Variants in CADM2 observed in about 807,000 individuals in gnomAD.
The protein encoded by CADM2 is cell adhesion molecule 2, also known as immunoglobulin superfamily member 4D.
A neutral mutation model predicts 49.8 loss-of-function variants in CADM2; 12 were observed. That is an observed-to-expected ratio of 0.24 (90% CI 0.15 to 0.39). The LOEUF is 0.39. Ranked by LOEUF, CADM2 falls within the 10% of genes least tolerant of loss-of-function variation. The probability of loss-of-function intolerance (pLI) is 1.00; values close to 1 mark genes in which losing one functional copy is unlikely to be tolerated. For synonymous variants in CADM2, 214 were observed against 175.4 expected, an observed-to-expected ratio of 1.22 and a Z score of -1.74; for missense variants, 378 against 492.3, an observed-to-expected ratio of 0.77 and a Z score of 2.20.
At chr3:85,779,820 A>G (rs2070544532) in intron 2 of CADM2, among the ~76,000 whole-genome samples, 1 of 152,162 alleles carries the variant, frequency 6.6e-6, no homozygotes, top group African/African-American at 2.4e-5. Context: ...ATTATTATTC[A>G]ATGAAAAACT....
At chr3:85,261,074 A>T (rs75180015) in intron 1 of CADM2, among the ~76,000 whole-genome samples, 4,650 of 151,896 alleles carry the variant, frequency 0.031, 271 homozygotes, top group East Asian at 0.17. Context: ...TATTATCCCT[A>T]ATTTCCATAT....
intron 1 of CADM2, among the ~76,000 whole-genome samples, chr3:85,386,850 G>A (rs2034259189): frequency 6.6e-6 from 1 of 152,240 alleles, no homozygotes; most frequent in South Asian, 2.1e-4. Flanking sequence ...AGGACAACAT[G>A]TTTCCCCATT....
chr3:85,059,078 A>AAATAC (rs1182443173), intron 1 of CADM2, among the ~76,000 whole-genome samples: 3 of 151,852 alleles, frequency 2.0e-5, no homozygotes, highest in Non-Finnish European at 2.9e-5. Context: ...TCTCCACTAA[A>AAATAC]AATACAAAGA....
chr3:86,037,072 T>G (rs976540483), intron 8 of CADM2, among the ~76,000 whole-genome samples: 3 of 152,218 alleles, frequency 2.0e-5, no homozygotes, highest in Non-Finnish European at 4.4e-5. Context: ...ACTTATCTAT[T>G]TTATGTTTCT....
At chr3:85,156,989 A>C in intron 1 of CADM2, among the ~76,000 whole-genome samples, 1 of 152,168 alleles carries the variant, frequency 6.6e-6, no homozygotes, top group Middle Eastern at 3.2e-3. Context: ...ACTTCAGCAA[A>C]GTCTCAGGAT....
chr3:85,046,751 T>A (rs539589635), intron 1 of CADM2, among the ~76,000 whole-genome samples: 128 of 152,182 alleles, frequency 8.4e-4, no homozygotes, highest in African/African-American at 3.1e-3. Flanking sequence ...ACTAATGTTT[T>A]TAAAATGCTT....
intron 2 of CADM2, among the ~76,000 whole-genome samples, chr3:85,774,161 C>A (rs752130807): frequency 6.6e-6 from 1 of 151,484 alleles, no homozygotes; most frequent in Non-Finnish European, 1.5e-5. Flanking sequence ...CTGAAAATAA[C>A]TAAAAGGAAT....
At chr3:85,911,146 A>G (rs746833195) in intron 5 of CADM2, among the ~76,000 whole-genome samples, 5 of 152,092 alleles carry the variant, frequency 3.3e-5, no homozygotes, top group Non-Finnish European at 7.4e-5. Flanking sequence ...TGAATGATGT[A>G]AAAAAATGAC....
intron 1 of CADM2, among the ~76,000 whole-genome samples, chr3:85,158,725 A>G (rs912004520): frequency 3.3e-5 from 5 of 152,094 alleles, no homozygotes; most frequent in Non-Finnish European, 7.3e-5. Context: ...TAGCATTGGG[A>G]GATATACCTA....
chr3:85,917,944 T>C lies in CADM2; in HGVS notation c.700+5401T>C, dbSNP rs141810217. Among the ~76,000 whole-genome samples the C allele has an allele frequency of 7.3e-3, 1,118 of 152,238 alleles. 14 individuals are homozygous for C. The highest frequency in any genetic ancestry group is 0.024 in the African/African-American group (997 of 41,558). The stretch of plus-strand genomic sequence containing the variant: ...TCTTTGAAGCAATTGTGAATTGGAG[T>C]TCACTCATGGTTTGGCTCTCTGTCT... On this transcript the variant is annotated intron_variant, in intron 6 of 9. Transcript: ENST00000383699.
intron 3 of CADM2, among the ~76,000 whole-genome samples, chr3:85,871,765 T>C (rs1433455402): frequency 6.6e-6 from 1 of 152,176 alleles, no homozygotes; most frequent in African/African-American, 2.4e-5. Context: ...TTTTCCTATA[T>C]CCATCTTTGA....
intron 1 of CADM2, among the ~76,000 whole-genome samples, chr3:85,070,298 C>T (rs947125139): frequency 9.9e-5 from 15 of 151,992 alleles, no homozygotes; most frequent in African/African-American, 3.6e-4. Flanking sequence ...TGTGAACAAA[C>T]TAGAGAAAAT....
At chr3:85,198,726 G>C (rs1231337051) in intron 1 of CADM2, among the ~76,000 whole-genome samples, 1 of 151,778 alleles carries the variant, frequency 6.6e-6, no homozygotes, top group Admixed American at 6.6e-5. Flanking sequence ...AATCATTTCT[G>C]TAATTTGTGA....
chr3:85,009,829 G>C (rs1251353328), intron 1 of CADM2, among the ~76,000 whole-genome samples: 2 of 151,402 alleles, frequency 1.3e-5, no homozygotes, highest in Non-Finnish European at 2.9e-5. Context: ...TTGTGCCACT[G>C]TGCTCCAGCC....
intron 9 of CADM2, among the ~76,000 whole-genome samples, chr3:86,066,359 G>A (rs202045676): frequency 0.059 from 2,941 of 49,908 alleles, 12 homozygotes; most frequent in African/African-American, 0.11. Context: ...AAAAAAAAAA[G>A]ATCTTAACAA....
At chr3:85,855,242 C>T (rs1369908896) in intron 3 of CADM2, among the ~76,000 whole-genome samples, 1 of 152,096 alleles carries the variant, frequency 6.6e-6, no homozygotes, top group Non-Finnish European at 1.5e-5. Flanking sequence ...GTAAAATCAG[C>T]ACCTATTGCT....
At chr3:85,497,967 A>G (rs1469341013) in intron 1 of CADM2, among the ~76,000 whole-genome samples, 2 of 151,962 alleles carry the variant, frequency 1.3e-5, no homozygotes, top group Non-Finnish European at 2.9e-5. Flanking sequence ...TATTTGTGAA[A>G]TTGCCTACTC....
intron 2 of CADM2, among the ~76,000 whole-genome samples, chr3:85,769,276 T>C (rs201211893): frequency 6.0e-4 from 65 of 109,122 alleles, no homozygotes; most frequent in Admixed American, 9.0e-4. Context: ...CATATATACA[T>C]ATATACATAT....
intron 1 of CADM2, among the ~76,000 whole-genome samples, chr3:85,094,839 C>G (rs1185005155): frequency 6.6e-6 from 1 of 152,002 alleles, no homozygotes; most frequent in Non-Finnish European, 1.5e-5. Context: ...AATGCACTAT[C>G]CAGAAGAGCT....
Sources: gnomAD v4.1 joint callset for allele counts (sites outside exome capture counted in the v4.1 genomes callset) on GRCh38, gnomAD v4.1.1 for gene constraint, MANE v1.5 for transcripts, NCBI Gene and HGNC (gene_info 2026-07-23, HGNC 2026-07-21) for gene names.